The following ASZ1 variants were observed in gnomAD, a reference collection of about 807,000 sequenced individuals.
The protein encoded by ASZ1 is ankyrin repeat, SAM and basic leucine zipper domain containing 1.
ASZ1 carries 67 observed loss-of-function variants against 61.8 expected under a neutral mutation model. The observed-to-expected ratio is 1.08, with a 90% CI of 0.89 to 1.33. The LOEUF is 1.33. Ranked by LOEUF, ASZ1 falls within the 40% of genes most tolerant of loss-of-function variation. ASZ1 has a pLI of 0.00. For missense variants in ASZ1, 577 were observed against 554.5 expected, an observed-to-expected ratio of 1.04 and a Z score of -0.41; for synonymous variants, 193 against 192.7, an observed-to-expected ratio of 1.00 and a Z score of -0.01.
intron 10 of ASZ1, among the ~76,000 whole-genome samples, chr7:117,370,283 A>G (rs1044512027): frequency 6.6e-6 from 1 of 152,216 alleles, no homozygotes; most frequent in Non-Finnish European, 1.5e-5. Flanking sequence ...AATCAAAACT[A>G]TGATCATAAA....
intron 4 of ASZ1, among the ~76,000 whole-genome samples, chr7:117,397,393 C>G (rs900425207): frequency 6.6e-6 from 1 of 152,076 alleles, no homozygotes; most frequent in Non-Finnish European, 1.5e-5. Flanking sequence ...AAACAACTTA[C>G]AAAAATGCGC....
At chr7:117,366,367 AC>A (rs1423274034) in intron 12 of ASZ1, among the ~76,000 whole-genome samples, 1 of 152,152 alleles carries the variant, frequency 6.6e-6, no homozygotes. Flanking sequence ...GAAGAAAAGA[AC>A]TTTTTTGATA....
chr7:117,413,059 A>C (rs1796926651), intron 4 of ASZ1, among the ~76,000 whole-genome samples: 2 of 151,936 alleles, frequency 1.3e-5, no homozygotes, highest in Admixed American at 6.6e-5. Flanking sequence ...TTTTAAGTGA[A>C]AATATTCAAC....
At chr7:117,389,558 A>G (rs1478744090) in intron 4 of ASZ1, among the ~76,000 whole-genome samples, 1 of 152,124 alleles carries the variant, frequency 6.6e-6, no homozygotes, top group Admixed American at 6.6e-5. Flanking sequence ...AGGCAGAGAG[A>G]TACAGCTCCC....
At chr7:117,382,758 AT>A (rs1408495948) in intron 7 of ASZ1, among the ~76,000 whole-genome samples, 49 of 152,212 alleles carry the variant, frequency 3.2e-4, no homozygotes, top group African/African-American at 1.1e-3. Flanking sequence ...TTTATTGTTG[AT>A]ATCTTACTTA....
rs1310579405 is a variant in ASZ1 at position 117,363,573 on chromosome 7, A to G, written c.*23T>C. ...GGATGGTTCAATAAGATGTGTATATATAACTTAAAACAAATATTTGGATTA... is the reference window on the plus strand; with the variant it reads ...GGATGGTTCAATAAGATGTGTATATGTAACTTAAAACAAATATTTGGATTA... On this transcript the variant is annotated 3_prime_UTR_variant, in exon 13 of 13. Coordinates refer to ENST00000284629, the MANE Select transcript of ASZ1 (RefSeq NM_130768.3). 2 of 1,567,724 alleles carry G rather than the reference A, an allele frequency of 1.3e-6. No individual in the cohort carries two copies. The highest frequency in any genetic ancestry group is 1.8e-5 in the Admixed American group (1 of 54,662).
intron 4 of ASZ1, 126 bp from the exon 5 acceptor site, chr7:117,385,935 TA>T (rs1412045478): frequency 2.7e-6 from 2 of 742,322 alleles, no homozygotes; most frequent in Non-Finnish European, 4.3e-6. Context: ...AAGCTTTTGC[TA>T]AATCAGGTGA....
At chr7:117,393,376 TTTTTTAGTTCTACTA>T (rs1257425569) in intron 4 of ASZ1, among the ~76,000 whole-genome samples, 1 of 152,160 alleles carries the variant, frequency 6.6e-6, no homozygotes, top group Non-Finnish European at 1.5e-5. Context: ...TTTTATTCCT[TTTTTTAGTTCTACTA>T]GTTTTTGTTC....
chr7:117,372,953 C>T (rs1796074407), intron 10 of ASZ1, among the ~76,000 whole-genome samples: 2 of 151,944 alleles, frequency 1.3e-5, no homozygotes, highest in African/African-American at 4.8e-5. Flanking sequence ...TAATCATTTT[C>T]CTGATGTTCA....
intron 10 of ASZ1, among the ~76,000 whole-genome samples, chr7:117,378,838 C>T (rs905840029): frequency 1.3e-5 from 2 of 151,780 alleles, no homozygotes; most frequent in African/African-American, 4.8e-5. Context: ...TGGAATACTA[C>T]TCAGCAATAA....
At chr7:117,419,283 T>C (rs1797056465) in intron 4 of ASZ1, among the ~76,000 whole-genome samples, 1 of 152,174 alleles carries the variant, frequency 6.6e-6, no homozygotes, top group Non-Finnish European at 1.5e-5. Flanking sequence ...CCACTACAAC[T>C]AGACTAAAAT....
chr7:117,384,992 T>A, intron 5 of ASZ1, 132 bp from the exon 6 acceptor site: 1 of 804,004 alleles, frequency 1.2e-6, no homozygotes, highest in East Asian at 3.2e-5. Context: ...ATGCAATCTC[T>A]TCATTTTACA....
intron 10 of ASZ1, among the ~76,000 whole-genome samples, chr7:117,379,168 T>TATATACACAC (rs1161457624): frequency 1.4e-4 from 10 of 69,722 alleles, no homozygotes; most frequent in Non-Finnish European, 8.5e-5. Context: ...TATATATATA[T>TATATACACAC]ACACACACAC....
intron 4 of ASZ1, among the ~76,000 whole-genome samples, chr7:117,391,199 GT>G (rs765980193): frequency 2.0e-5 from 3 of 151,366 alleles, no homozygotes; most frequent in Non-Finnish European, 4.4e-5. Context: ...ATCGATTTAA[GT>G]TCCTTATAGA....
chr7:117,366,917 T>C (rs1406778143), intron 12 of ASZ1, among the ~76,000 whole-genome samples: 1 of 152,154 alleles, frequency 6.6e-6, no homozygotes, highest in East Asian at 1.9e-4. Context: ...ATTATAACAA[T>C]TGGTATAGCA....
chr7:117,426,959 A>C, intron 1 of ASZ1, 24 bp from the exon 2 acceptor site: 1 of 1,567,802 alleles, frequency 6.4e-7, no homozygotes, highest in Non-Finnish European at 8.6e-7. Context: ...CATTTTAAAA[A>C]ATTCTTGTTA....
intron 3 of ASZ1, 116 bp from the exon 4 acceptor site, chr7:117,420,390 A>C: frequency 1.7e-6 from 1 of 597,700 alleles, no homozygotes; most frequent in South Asian, 3.0e-5. Context: ...CCTCTTCCCA[A>C]ATCTCTCACT....
intron 9 of ASZ1, among the ~76,000 whole-genome samples, chr7:117,380,545 C>T (rs1381085469): frequency 2.6e-5 from 4 of 151,536 alleles, no homozygotes; most frequent in Non-Finnish European, 5.9e-5. Flanking sequence ...CAGATCATTG[C>T]TTTTTACATA....
chr7:117,382,843 AAC>A, intron 7 of ASZ1, 141 bp downstream of exon 7: 2 of 948,256 alleles, frequency 2.1e-6, no homozygotes, highest in South Asian at 6.2e-5. Flanking sequence ...AATTCTGGAG[AAC>A]ACTAAAAACC....
Sources: allele counts gnomAD v4.1 joint callset (sites outside exome capture counted in the v4.1 genomes callset), GRCh38; gene constraint gnomAD v4.1.1; transcripts MANE v1.5; gene names NCBI Gene and HGNC (gene_info 2026-07-23, HGNC 2026-07-21).